Variants in MAPK9 observed in about 807,000 individuals in gnomAD.
MAPK9 encodes mitogen-activated protein kinase 9, also known as Jun kinase.
MAPK9 carries 30 observed loss-of-function variants against 57.1 expected under a neutral mutation model. The observed-to-expected ratio is 0.53, with a 90% confidence interval of 0.39 to 0.71. MAPK9 has a LOEUF of 0.71. Among genes scored for constraint, MAPK9 ranks in the 30% least tolerant of loss-of-function variants. The probability of loss-of-function intolerance (pLI) is 0.00; values close to 1 mark genes in which losing one functional copy is unlikely to be tolerated. For missense variants in MAPK9, 362 were observed against 521.0 expected (o/e 0.69, Z 2.97); for synonymous variants, 155 against 177.0 (o/e 0.88, Z 0.99).
chr5:180,292,032 C>G lies in MAPK9; in HGVS notation c.-232G>C, dbSNP rs1393634272. 6.4e-6 allele frequency: 1 copy of G among 156,220 alleles called. No homozygotes were observed. Among genetic ancestry groups the G allele is most frequent in the Admixed American group, 6.6e-5 (1 of 15,122 alleles). The allele number at this position is 156,220 out of a possible 1,614,324, so 9.7% of individuals were successfully genotyped here. The stretch of plus-strand genomic sequence containing the variant: ...TGAGGGGCGCCGGGGCGCTGCGACC[C>G]TTCCGGTCCCGCTCCCTTCTCCGCC... On this transcript the variant is annotated 5_prime_UTR_variant, in exon 1 of 12. Coordinates refer to ENST00000452135, the MANE Select transcript of MAPK9 (RefSeq NM_002752.5).
At chr5:180,284,929 T>C (rs1044081949) in intron 1 of MAPK9, among the ~76,000 whole-genome samples, 4 of 152,160 alleles carry the variant, frequency 2.6e-5, no homozygotes, top group Non-Finnish European at 4.4e-5. Context: ...CACACGCACA[T>C]ACACAATGCT....
intron 2 of MAPK9, among the ~76,000 whole-genome samples, chr5:180,274,927 T>G (rs1013606310): frequency 1.3e-5 from 2 of 152,202 alleles, no homozygotes; most frequent in Non-Finnish European, 2.9e-5. Context: ...CAGTTATATC[T>G]AGCATGCTGT....
At chr5:180,267,571 A>G (rs1465873151) in intron 3 of MAPK9, among the ~76,000 whole-genome samples, 1 of 151,382 alleles carries the variant, frequency 6.6e-6, no homozygotes, top group Non-Finnish European at 1.5e-5. Flanking sequence ...CAAAAAAAAA[A>G]AAAAAAAAAA....
At chr5:180,282,974 G>A (rs1003767651) in intron 1 of MAPK9, among the ~76,000 whole-genome samples, 2 of 152,092 alleles carry the variant, frequency 1.3e-5, no homozygotes, top group African/African-American at 2.4e-5. Flanking sequence ...GGTAGAGGGC[G>A]AGTGAAGCTG....
chr5:180,254,295 C>T lies in MAPK9; in HGVS notation c.451-5157G>A, dbSNP rs944512083. 2.0e-5 allele frequency among the ~76,000 whole-genome samples: 3 copies of T among 152,250 alleles called. No homozygotes were observed. In the South Asian group the frequency reaches 6.2e-4, roughly 32 times the overall value. ...TGTTTCAATCTTAAACATGATCCAA[C>T]CAGACATTTGGGGAAAGCCTTGCGT... On this transcript the variant is annotated intron_variant, in intron 5 of 11. Transcript: ENST00000452135.
intron 3 of MAPK9, among the ~76,000 whole-genome samples, 160 bp downstream of exon 3, chr5:180,269,120 C>CA (rs1437208048): frequency 6.6e-6 from 1 of 151,666 alleles, no homozygotes; most frequent in East Asian, 1.9e-4. Context: ...GCCTGGGCGA[C>CA]AAAAAAACAA....
rs1184562477 is a variant in MAPK9, at chr5:180,241,069, A to G, written c.958T>C (p.Tyr320His). 6.2e-7 allele frequency: 1 copy of G among 1,613,960 alleles called. No individual in the cohort carries two copies. The change falls in exon 9 of 12, where the codon TAC (tyrosine) becomes CAC (histidine). Residue 320 changes from tyrosine to histidine, a missense_variant. Physicochemically the swap from Tyr to His is moderately conservative, Grantham distance 83 (BLOSUM62 2). Transcript: ENST00000452135. ...ISVDEALRHPYITVWYDPAEA... is the reference protein window; with the variant it reads ...ISVDEALRHPHITVWYDPAEA... ...GCGGGGTCATACCAAACAGTGATGT[A>G]TGGGTGACGCAGAGCTTCGTCTACA...
chr5:180,247,752 C>G lies in MAPK9; in HGVS notation c.617-242G>C. Reference sequence around the variant, plus strand: ...AGCTTAAAACAAACAAACAAACAAACAAAAAACCAGAAACAAGAAGTGCCT... The same window carrying G: ...AGCTTAAAACAAACAAACAAACAAAGAAAAAACCAGAAACAAGAAGTGCCT... On this transcript the variant is annotated intron_variant, in intron 6 of 11. Coordinates refer to ENST00000452135, the MANE Select transcript of MAPK9 (RefSeq NM_002752.5). This position sits in a 1 kb window ranked among gnomAD's most constrained non-coding sequence, Gnocchi z 4.5. 1 of 1,284,176 alleles carries G rather than the reference C, an allele frequency of 7.8e-7. No individual in the cohort carries two copies. Among genetic ancestry groups the G allele is most frequent in the Non-Finnish European group, 1.1e-6 (1 of 893,314 alleles). 79.5% of individuals were successfully genotyped at this position (1,284,176 alleles called of 1,614,324 possible).
chr5:180,279,165 C>A (rs933163037), intron 2 of MAPK9, among the ~76,000 whole-genome samples: 1 of 152,076 alleles, frequency 6.6e-6, no homozygotes, highest in Non-Finnish European at 1.5e-5. Flanking sequence ...ACCATGTTGG[C>A]CAGGATGGTC....
At chr5:180,289,689 G>C (rs2127636691) in intron 1 of MAPK9, among the ~76,000 whole-genome samples, 1 of 152,224 alleles carries the variant, frequency 6.6e-6, no homozygotes, top group South Asian at 2.1e-4. Flanking sequence ...CCTGGCCTTA[G>C]GCTACCTTTC....
Position 180,249,151 on chromosome 5 carries a change from T to C in MAPK9, c.451-13A>G. 6.3e-7 allele frequency: 1 copy of C among 1,597,252 alleles called. No individual in the cohort carries two copies. Among genetic ancestry groups the C allele is most frequent in the Non-Finnish European group, 8.5e-7 (1 of 1,171,188 alleles). Reference sequence around the variant, plus strand: ...TAGGCTTCAAATCCTAGGAAAGAAATGGCTTAAATTAGTAAAATGAATGAA... The same window carrying C: ...TAGGCTTCAAATCCTAGGAAAGAAACGGCTTAAATTAGTAAAATGAATGAA... On this transcript the variant is annotated splice_polypyrimidine_tract_variant and intron_variant, in intron 5 of 11. Transcript: ENST00000452135.
intron 5 of MAPK9, among the ~76,000 whole-genome samples, chr5:180,255,012 C>T (rs1260022376): frequency 6.6e-6 from 1 of 151,970 alleles, no homozygotes; most frequent in Non-Finnish European, 1.5e-5. Context: ...CCAGCCTGGG[C>T]GACAGAGCGA....
chr5:180,268,822 G>A (rs377633453), intron 3 of MAPK9, among the ~76,000 whole-genome samples: 60 of 138,188 alleles, frequency 4.3e-4, no homozygotes, highest in Middle Eastern at 4.6e-3. Flanking sequence ...GCGAGACTCC[G>A]TCTCCAAAAA....
intron 5 of MAPK9, among the ~76,000 whole-genome samples, chr5:180,258,684 T>C (rs1487914044): frequency 1.3e-5 from 2 of 152,060 alleles, no homozygotes; most frequent in East Asian, 1.9e-4. Context: ...GTCGGTTCAG[T>C]TACCTCCAAA....
intron 1 of MAPK9, among the ~76,000 whole-genome samples, chr5:180,280,934 GC>G (rs1762264015): frequency 6.6e-6 from 1 of 152,126 alleles, no homozygotes; most frequent in Admixed American, 6.5e-5. Context: ...TCATCAGCTT[GC>G]CCCCTGTGGG....
intron 3 of MAPK9, among the ~76,000 whole-genome samples, chr5:180,265,668 T>C (rs1432212219): frequency 6.6e-6 from 1 of 152,236 alleles, no homozygotes; most frequent in Non-Finnish European, 1.5e-5. Context: ...TATCTCTTTA[T>C]GGCAGTGCGG....
rs961204955 is a variant in MAPK9 at position 180,238,295 on chromosome 5, GAAAAATATCATAC to G, written c.1132+24_1132+36del. ...AAAAAAAAAAAGTTGAATAGGGAAA[GAAAAATATCATAC>G]AATCAATTAAAGCAATCACTAACCT... On this transcript the variant is annotated intron_variant, in intron 11 of 11. Transcript: ENST00000452135. 5.2e-6 allele frequency: 8 copies of G among 1,540,030 alleles called. No homozygotes were observed. In the African/African-American group the frequency reaches 1.1e-4, roughly 21 times the overall value.
In MAPK9 at chr5:180,238,405, T is replaced by C. The variant is rs766792877; in HGVS notation, c.1061-2A>G. 1 of 1,599,018 alleles carries C rather than the reference T, an allele frequency of 6.3e-7. No homozygotes were observed. The highest frequency in any genetic ancestry group is 8.6e-7 in the Non-Finnish European group (1 of 1,166,822). On this transcript the variant is annotated splice_acceptor_variant, in intron 10 of 11. Coordinates refer to ENST00000452135, the MANE Select transcript of MAPK9 (RefSeq NM_002752.5). LOFTEE classifies it high-confidence loss of function. ...CCATGACTTCTTTGTAAATTAGCTC[T>C]TTAATAAAAATACAAGTTAAAATGC...
intron 8 of MAPK9, among the ~76,000 whole-genome samples, chr5:180,241,829 T>A (rs965555936): frequency 6.6e-6 from 1 of 152,094 alleles, no homozygotes; most frequent in Non-Finnish European, 1.5e-5. Flanking sequence ...CTGCCCAGAG[T>A]GTGGGCATGA....
Sources: allele counts gnomAD v4.1 joint callset (sites outside exome capture counted in the v4.1 genomes callset), GRCh38; gene constraint gnomAD v4.1.1; non-coding constraint Gnocchi (gnomAD v3.1); transcripts MANE v1.5; gene names NCBI Gene and HGNC (gene_info 2026-07-23, HGNC 2026-07-21).